GSTCD: variants seen among roughly 807,000 people sequenced by gnomAD.
The protein encoded by GSTCD is glutathione S-transferase C-terminal domain-containing protein.
A neutral mutation model predicts 68.3 loss-of-function variants in GSTCD; 44 were observed. That is an observed-to-expected ratio of 0.64 (90% CI 0.51 to 0.83). The LOEUF (loss-of-function observed/expected upper bound fraction) is 0.83. Among genes scored for constraint, GSTCD ranks in the 40% least tolerant of loss-of-function variants. The probability of loss-of-function intolerance (pLI) is 0.00; values close to 1 mark genes in which losing one functional copy is unlikely to be tolerated. For missense variants in GSTCD, 739 were observed against 735.9 expected (o/e 1.00, Z -0.05); for synonymous variants, 273 against 255.2 (o/e 1.07, Z -0.67).
chr4:105,774,239 A>G (rs759674359), intron 5 of GSTCD, among the ~76,000 whole-genome samples: 38 of 152,206 alleles, frequency 2.5e-4, no homozygotes, highest in African/African-American at 5.8e-4. Context: ...TTTTGAGCCT[A>G]TGTATGTCTT....
chr4:105,787,265 T>A (rs1245974437), intron 5 of GSTCD, among the ~76,000 whole-genome samples: 1 of 152,050 alleles, frequency 6.6e-6, no homozygotes, highest in Non-Finnish European at 1.5e-5. Flanking sequence ...AGTGTCTAGT[T>A]CAGTAGATCT....
At chr4:105,813,724 G>A (rs148625182) in intron 5 of GSTCD, among the ~76,000 whole-genome samples, 345 of 152,218 alleles carry the variant, frequency 2.3e-3, no homozygotes, top group Non-Finnish European at 4.0e-3. Context: ...CAGCAGTTCC[G>A]TTTATATGGA....
chr4:105,845,332 A>G lies in GSTCD; in HGVS notation c.1766-109A>G, dbSNP rs1035830843. Reference sequence around the variant, plus strand: ...TAAACAAGACTTAGGGGTACAAAGCATGCTCCATAGTACTTGCAGATTTTG... The same window carrying G: ...TAAACAAGACTTAGGGGTACAAAGCGTGCTCCATAGTACTTGCAGATTTTG... On this transcript the variant is annotated intron_variant, in intron 11 of 11. Coordinates refer to ENST00000515279, the MANE Select transcript of GSTCD (RefSeq NM_001370181.1). 46 of 1,139,138 alleles carry G rather than the reference A, an allele frequency of 4.0e-5. No individual in the cohort carries two copies. In the African/African-American group the frequency reaches 5.5e-4, roughly 14 times the overall value. The allele number at this position is 1,139,138 out of a possible 1,614,324, so 70.6% of individuals were successfully genotyped here.
Position 105,838,220 on chromosome 4 carries a change from G to A in GSTCD, c.1695+331G>A, listed in dbSNP as rs7696673. Among the ~76,000 whole-genome samples the A allele has an allele frequency of 8.3e-3, 1,258 of 152,268 alleles. 10 individuals carry two copies. Among genetic ancestry groups the A allele is most frequent in the Middle Eastern group, 0.027 (8 of 294 alleles). ...CAATAGTGGTAGCCACAATACCATT[G>A]TTTTCACACTGACTCTCTATGGCCC... On this transcript the variant is annotated intron_variant, in intron 10 of 11. Transcript: ENST00000515279.
intron 5 of GSTCD, among the ~76,000 whole-genome samples, chr4:105,757,449 G>C (rs1734237889): frequency 6.6e-6 from 1 of 152,050 alleles, no homozygotes. Context: ...TGTTCCTGTG[G>C]GTGGAGACTA....
At chr4:105,842,025 A>G (rs1724369713) in intron 10 of GSTCD, 40 bp from the exon 11 acceptor site, 2 of 1,478,452 alleles carry the variant, frequency 1.4e-6, no homozygotes, top group Admixed American at 3.4e-5. Context: ...TTGAAGCAGA[A>G]GATAAAAATA....
chr4:105,811,279 T>A (rs574496592), intron 5 of GSTCD, among the ~76,000 whole-genome samples: 1 of 152,234 alleles, frequency 6.6e-6, no homozygotes, highest in South Asian at 2.1e-4. Flanking sequence ...CCTCTTAGTA[T>A]CTTGAGAGAC....
rs1201054141 is a variant in GSTCD at position 105,719,389 on chromosome 4, A to G, written c.756A>G (p.Pro252=). The G allele has an allele frequency of 6.2e-7, 1 of 1,614,028 alleles. No individual in the cohort carries two copies. The highest frequency in any genetic ancestry group is 8.5e-7 in the Non-Finnish European group (1 of 1,179,994). Residue 252 remains proline (P), a synonymous_variant, in exon 3 of 12, where the codon CCA becomes CCG. Coordinates refer to ENST00000515279, the MANE Select transcript of GSTCD (RefSeq NM_001370181.1). ...CAAAGCTCACAGTACAGGAAGAACC[A>G]GCTACTACCAACAGAGAGCCTTCTC... is the stretch of plus-strand genomic sequence containing the variant. ...AFSKLTVQEE[P]ATTNREPSHI...
chr4:105,727,738 A>T (rs1733090471), intron 4 of GSTCD, among the ~76,000 whole-genome samples: 1 of 150,742 alleles, frequency 6.6e-6, no homozygotes, highest in African/African-American at 2.4e-5. Flanking sequence ...TCCTTGGGGC[A>T]TAGTTTGTTT....
intron 8 of GSTCD, among the ~76,000 whole-genome samples, chr4:105,826,499 A>C (rs1723617887): frequency 6.6e-6 from 1 of 152,036 alleles, no homozygotes; most frequent in Admixed American, 6.6e-5. Flanking sequence ...ATACAGAAAA[A>C]TACATAGTAA....
rs756141476 is a variant in GSTCD, at chr4:105,842,123, G to C, written c.1754G>C (p.Arg585Pro). The change falls in exon 11 of 12, where the codon CGA (arginine) becomes CCA (proline). Residue 585 changes from arginine (R) to proline (P), a missense_variant. Coordinates refer to ENST00000515279, the MANE Select transcript of GSTCD (RefSeq NM_001370181.1). ...ACAGCTGTCCAGCTCCCACCCCAAC[G>C]AAGGCTCATAGGTATGTGTTTTCAC... is the stretch of plus-strand genomic sequence containing the variant. ...DQTAVQLPPQ[R>P]RLIGKQCMCL... 6.2e-7 allele frequency: 1 copy of C among 1,613,576 alleles called. No homozygotes were observed. The highest frequency in any genetic ancestry group is 1.1e-5 in the South Asian group (1 of 91,050).
intron 8 of GSTCD, 44 bp downstream of exon 8, chr4:105,825,844 G>T (rs765663591): frequency 8.1e-7 from 1 of 1,235,482 alleles, no homozygotes; most frequent in Non-Finnish European, 1.2e-6. Flanking sequence ...AGCTAAATAA[G>T]AAAAATTACA....
At chr4:105,726,019 A>G (rs1229677712) in intron 3 of GSTCD, among the ~76,000 whole-genome samples, 6 of 152,086 alleles carry the variant, frequency 3.9e-5, no homozygotes, top group Non-Finnish European at 2.9e-5. Context: ...AAAACCTAGC[A>G]ATTTGACTCT....
rs191158164 is a variant in GSTCD at position 105,742,822 on chromosome 4, C to T, written c.1240+13323C>T. Among the ~76,000 whole-genome samples, 636 of 151,636 alleles carry T rather than the reference C, an allele frequency of 4.2e-3. 7 individuals carry two copies. The highest frequency in any genetic ancestry group is 0.014 in the African/African-American group (598 of 41,360). ...CTCTAACTATTGAGTGCAAGCAATCCTCCCACCTTATCTTCCCAATTAGCT... is the reference window on the plus strand; with the variant it reads ...CTCTAACTATTGAGTGCAAGCAATCTTCCCACCTTATCTTCCCAATTAGCT... On this transcript the variant is annotated intron_variant, in intron 5 of 11. Transcript: ENST00000515279.
chr4:105,813,367 A>G (rs1051782797), intron 5 of GSTCD, among the ~76,000 whole-genome samples: 1 of 152,220 alleles, frequency 6.6e-6, no homozygotes, highest in Non-Finnish European at 1.5e-5. Flanking sequence ...GAGTGCAGAC[A>G]TGATGCAACA....
intron 5 of GSTCD, among the ~76,000 whole-genome samples, chr4:105,811,689 G>GA (rs1162734671): frequency 6.7e-6 from 1 of 150,142 alleles, no homozygotes; most frequent in African/African-American, 2.4e-5. Context: ...AATAATAAAA[G>GA]AAAGAAAAAA....
chr4:105,813,694 C>T (rs574652424), intron 5 of GSTCD, among the ~76,000 whole-genome samples: 22 of 152,282 alleles, frequency 1.4e-4, no homozygotes, highest in Non-Finnish European at 2.6e-4. Flanking sequence ...TAGCTCTTTT[C>T]TACCTAAAGA....
At chr4:105,738,236 C>A (rs1267532636) in intron 5 of GSTCD, among the ~76,000 whole-genome samples, 1 of 152,124 alleles carries the variant, frequency 6.6e-6, no homozygotes, top group East Asian at 1.9e-4. Context: ...CTTTTCTGTT[C>A]CTTGGTCTAT....
intron 5 of GSTCD, among the ~76,000 whole-genome samples, chr4:105,772,585 G>A (rs548458537): frequency 7.2e-4 from 110 of 152,144 alleles, no homozygotes; most frequent in African/African-American, 2.1e-3. Context: ...GAATTTTATC[G>A]AGGGCCTTTT....
Sources: allele counts gnomAD v4.1 joint callset (sites outside exome capture counted in the v4.1 genomes callset), GRCh38; gene constraint gnomAD v4.1.1; transcripts MANE v1.5; gene names NCBI Gene and HGNC (gene_info 2026-07-23, HGNC 2026-07-21).